Variants in TANC2 observed in about 807,000 individuals in gnomAD.
TANC2 encodes the protein protein TANC2.
TANC2 carries 26 observed loss-of-function variants against 210.5 expected under a neutral mutation model. That is an observed-to-expected ratio of 0.12 (90% CI 0.09 to 0.17). TANC2 has a LOEUF of 0.17. TANC2 is among the 10% of genes least tolerant of loss of function. The pLI is 1.00. For synonymous variants in TANC2, 931 were observed against 967.1 expected (o/e 0.96, Z 0.69); for missense variants, 2,129 against 2,608.9 (o/e 0.82, Z 4.01).
intron 8 of TANC2, 108 bp from the exon 9 acceptor site, chr17:63,267,640 T>C (rs1473889769): frequency 9.7e-7 from 1 of 1,032,106 alleles, no homozygotes; most frequent in Non-Finnish European, 1.4e-6. Flanking sequence ...TTTGCATATA[T>C]ATTTTTTGGC....
chr17:63,378,479 C>T (rs1040669673), intron 14 of TANC2, among the ~76,000 whole-genome samples: 2 of 152,064 alleles, frequency 1.3e-5, no homozygotes, highest in Non-Finnish European at 2.9e-5. Context: ...AGAATTAGGG[C>T]AGCTAATAGG....
chr17:63,351,199 C>G, intron 12 of TANC2, 51 bp from the exon 13 acceptor site: 2 of 1,470,878 alleles, frequency 1.4e-6, no homozygotes, highest in Non-Finnish European at 1.8e-6. Flanking sequence ...CCAGTAAGAA[C>G]TCATTTATCC....
chr17:63,316,299 G>T (rs189674420), intron 10 of TANC2, among the ~76,000 whole-genome samples: 11 of 152,176 alleles, frequency 7.2e-5, no homozygotes, highest in South Asian at 2.1e-4. Context: ...AAGCCAGAAA[G>T]CTCAAGCTCT....
At chr17:62,969,822 C>T (rs565487672) in intron 1 of TANC2, among the ~76,000 whole-genome samples, 2 of 152,150 alleles carry the variant, frequency 1.3e-5, no homozygotes, top group South Asian at 4.2e-4. Context: ...TATTTTTCTT[C>T]CTACTCATAT....
intron 8 of TANC2, among the ~76,000 whole-genome samples, chr17:63,260,378 T>G (rs1033647398): frequency 1.3e-5 from 2 of 152,256 alleles, no homozygotes; most frequent in African/African-American, 4.8e-5. Context: ...GATACTGTAT[T>G]TACATGAATA....
chr17:63,200,153 C>A (rs893195630), intron 6 of TANC2, among the ~76,000 whole-genome samples: 19 of 151,400 alleles, frequency 1.3e-4, no homozygotes, highest in Non-Finnish European at 4.4e-5. Flanking sequence ...GTCAGGAGTT[C>A]GAGACCACCC....
chr17:63,212,546 G>C (rs1015925432), intron 7 of TANC2, among the ~76,000 whole-genome samples: 2 of 152,128 alleles, frequency 1.3e-5, no homozygotes, highest in Non-Finnish European at 2.9e-5. Context: ...AATAACATCA[G>C]TGCTTACATT....
chr17:63,330,445 A>T (rs979748198), intron 11 of TANC2, among the ~76,000 whole-genome samples: 28 of 150,784 alleles, frequency 1.9e-4, no homozygotes, highest in Admixed American at 6.0e-4. Flanking sequence ...ACTTTATTTT[A>T]AAAAAAAAAT....
At position 63,418,232 on chromosome 17, in the gene TANC2, A is replaced by T. The variant is rs2048924415; in HGVS notation, c.4168-75A>T. Reference sequence around the variant, plus strand: ...CATGAATGTCAAAAAATGTACAAATAATTTGTTTTATTCCCAAGTTGTCTA... The same window carrying T: ...CATGAATGTCAAAAAATGTACAAATTATTTGTTTTATTCCCAAGTTGTCTA... On this transcript the variant is annotated intron_variant, in intron 26 of 27. Transcript: ENST00000689528. The surrounding 1 kb of genome is among the most constrained non-coding windows in gnomAD (Gnocchi z 4.6). 7.0e-7 allele frequency: 1 copy of T among 1,421,568 alleles called. No homozygotes were observed. Among genetic ancestry groups the T allele is most frequent in the East Asian group, 2.4e-5 (1 of 40,954 alleles). The allele number at this position is 1,421,568 out of a possible 1,614,324, so 88.1% of individuals were successfully genotyped here. A position where few individuals can be genotyped will look rare whatever the true frequency, so the allele number is the denominator to read the frequency against.
At chr17:63,386,500 G>A (rs184414968) in intron 15 of TANC2, among the ~76,000 whole-genome samples, 50 of 152,252 alleles carry the variant, frequency 3.3e-4, no homozygotes, top group Admixed American at 3.1e-3. Flanking sequence ...TACAAGGTTG[G>A]CCATGAGTTG....
intron 4 of TANC2, among the ~76,000 whole-genome samples, chr17:63,115,578 A>T (rs2038219898): frequency 6.6e-6 from 1 of 152,202 alleles, no homozygotes; most frequent in South Asian, 2.1e-4. Context: ...ATGCAGTGTG[A>T]TGGGACACAA....
intron 1 of TANC2, among the ~76,000 whole-genome samples, chr17:62,980,634 G>T (rs1376922324): frequency 6.6e-6 from 1 of 152,110 alleles, no homozygotes; most frequent in African/African-American, 2.4e-5. Context: ...GGCATATCCT[G>T]TGCAGATGCT....
At chr17:63,041,287 C>T (rs919626529) in intron 2 of TANC2, among the ~76,000 whole-genome samples, 2 of 152,080 alleles carry the variant, frequency 1.3e-5, no homozygotes, top group African/African-American at 4.8e-5. Flanking sequence ...AGTTTAGTGA[C>T]AGTAACTAAC....
chr17:63,233,634 G>A (rs1048802692), intron 7 of TANC2, among the ~76,000 whole-genome samples: 1 of 152,210 alleles, frequency 6.6e-6, no homozygotes, highest in Non-Finnish European at 1.5e-5. Flanking sequence ...TTCTGTGTGA[G>A]AGCCTCCAAA....
In TANC2 at chr17:63,194,140, G is replaced by C. The variant is rs1342374431; in HGVS notation, c.582+1G>C. The C allele has an allele frequency of 6.2e-7, 1 of 1,611,478 alleles. No homozygotes were observed. The highest frequency in any genetic ancestry group is 1.1e-5 in the South Asian group (1 of 90,382). On this transcript the variant is annotated splice_donor_variant, in intron 6 of 27. Transcript: ENST00000689528. LOFTEE classifies it high-confidence loss of function. ...CATGGAAGTACAGGATGAAAATCAG[G>C]TAAGCTGTTTGCTATCACCTTTGTG... is the stretch of plus-strand genomic sequence containing the variant.
intron 6 of TANC2, among the ~76,000 whole-genome samples, chr17:63,200,039 AT>A (rs950239755): frequency 1.1e-4 from 17 of 150,320 alleles, no homozygotes; most frequent in East Asian, 1.9e-4. Context: ...AGCTGTAGAG[AT>A]TTTTTTTTTC....
chr17:63,354,816 T>C, exon 14 of TANC2: 1 of 1,582,616 alleles, frequency 6.3e-7, no homozygotes, highest in South Asian at 1.2e-5. Flanking sequence ...CCATAGGATT[T>C]TTTTGGATCG....
rs950700860 is a variant in TANC2 at position 63,420,281 on chromosome 17, C to T, written c.4551C>T (p.Pro1517=). The change falls in exon 28 of 28, where the codon CCC becomes CCT. Residue 1517 remains proline (P), a synonymous_variant. Coordinates refer to ENST00000689528, the Ensembl canonical transcript of TANC2. The surrounding 1 kb of genome is among the most constrained non-coding windows in gnomAD (Gnocchi z 4.2). ...TTGGCCTCCAGACAGAGGCCCGGCC[C>T]AGCCAGGGGCTCCCGGTCATCCAGA... is the stretch of plus-strand genomic sequence containing the variant. The T allele has an allele frequency of 6.2e-6, 10 of 1,613,806 alleles. No homozygotes were observed. The African/African-American group carries it at 1.3e-4, about 22-fold the overall frequency.
chr17:63,240,558 A>G (rs1255437828), intron 8 of TANC2, among the ~76,000 whole-genome samples: 1 of 152,138 alleles, frequency 6.6e-6, no homozygotes, highest in East Asian at 1.9e-4. Flanking sequence ...GTACTTCCCT[A>G]TTAGCCAAGT....
Sources: gnomAD v4.1 joint callset for allele counts (sites outside exome capture counted in the v4.1 genomes callset) on GRCh38, gnomAD v4.1.1 for gene constraint, Gnocchi (gnomAD v3.1) non-coding constraint, MANE v1.5 for transcripts, NCBI Gene and HGNC (gene_info 2026-07-23, HGNC 2026-07-21) for gene names.